Variants in GPR180 observed in about 807,000 individuals in gnomAD.
GPR180 encodes integral membrane protein GPR180.
In GPR180, 53 loss-of-function variants were observed where a neutral mutation model predicts 52.6. The observed-to-expected ratio is 1.01, with a 90% CI of 0.81 to 1.27. GPR180 has a LOEUF of 1.27. Among genes scored for constraint, GPR180 ranks in the 50% most tolerant of loss-of-function variants. The pLI is 0.00. For missense variants in GPR180, 533 were observed against 527.0 expected (o/e 1.01, Z -0.11); for synonymous variants, 200 against 193.1 (o/e 1.04, Z -0.30).
chr13:94,623,215 C>A lies in GPR180; in HGVS notation c.1001C>A (p.Ala334Glu), dbSNP rs1889875236. Residue 334 changes from alanine (A) to glutamate (E), a missense_variant, in exon 7 of 9, where the codon GCA becomes GAA. Physicochemically the swap from Ala to Glu is moderately radical, Grantham distance 107. Transcript: ENST00000376958. ...CTAATTGTTCTAAGAATTTGCCTAG[C>A]ATTGTCATTAGGCTGTGGACTCTAT... ...ILLIVLRICL[A>E]LSLGCGLYQI... 1 of 1,613,660 alleles carries A rather than the reference C, an allele frequency of 6.2e-7. No individual in the cohort carries two copies. Among genetic ancestry groups the A allele is most frequent in the Non-Finnish European group, 8.5e-7 (1 of 1,179,606 alleles).
intron 7 of GPR180, among the ~76,000 whole-genome samples, chr13:94,625,390 C>T (rs1889915956): frequency 6.6e-6 from 1 of 152,004 alleles, no homozygotes; most frequent in South Asian, 2.1e-4. Flanking sequence ...ATGTACCAAA[C>T]ATTTCAACAG....
chr13:94,607,489 A>G (rs1010954001), intron 2 of GPR180, among the ~76,000 whole-genome samples: 2 of 152,214 alleles, frequency 1.3e-5, no homozygotes, highest in Admixed American at 6.5e-5. Context: ...GAGCCTTTGC[A>G]TAGGCTTTTT....
intron 2 of GPR180, among the ~76,000 whole-genome samples, chr13:94,608,794 T>C (rs1889666307): frequency 6.6e-6 from 1 of 152,176 alleles, no homozygotes; most frequent in South Asian, 2.1e-4. Context: ...TCTGCCCAGC[T>C]CCTACGTAAA....
rs749523457 is a variant in GPR180 at position 94,626,004 on chromosome 13, A to T, written c.1125A>T (p.Ala375=). The change falls in exon 8 of 9, where the codon GCA becomes GCT. Residue 375 remains alanine, a synonymous_variant. Coordinates refer to ENST00000376958, the MANE Select transcript of GPR180 (RefSeq NM_180989.6). ...GGTTTTTATGCCATCCAGTTCTTGCATGCATTTCTGTCATTTTTAGCGACT... is the reference window on the plus strand; with the variant it reads ...GGTTTTTATGCCATCCAGTTCTTGCTTGCATTTCTGTCATTTTTAGCGACT... ...ILWFLCHPVL[A]CISVIFSDYQ... is the part of the protein sequence containing the mutation. 1 of 1,611,980 alleles carries T rather than the reference A, an allele frequency of 6.2e-7. No homozygotes were observed. The highest frequency in any genetic ancestry group is 8.5e-7 in the Non-Finnish European group (1 of 1,178,666).
chr13:94,620,179 C>T (rs1461720213), intron 5 of GPR180, among the ~76,000 whole-genome samples: 1 of 152,198 alleles, frequency 6.6e-6, no homozygotes, highest in African/African-American at 2.4e-5. Flanking sequence ...AGAGACTAGA[C>T]TCAGACCTAA....
At chr13:94,626,129 A>AT (rs1252401864) in intron 8 of GPR180, 86 bp downstream of exon 8, 4 of 828,408 alleles carry the variant, frequency 4.8e-6, no homozygotes, top group Non-Finnish European at 5.7e-6. Context: ...GGACCTATTT[A>AT]TTTTTTAAGA....
At chr13:94,626,168 A>T in intron 8 of GPR180, 125 bp downstream of exon 8, 1 of 560,592 alleles carries the variant, frequency 1.8e-6, no homozygotes, top group Non-Finnish European at 3.1e-6. Flanking sequence ...AAACTTTGAA[A>T]CAAAATAGTA....
intron 2 of GPR180, among the ~76,000 whole-genome samples, chr13:94,611,898 A>G (rs1889711196): frequency 6.6e-6 from 1 of 152,144 alleles, no homozygotes; most frequent in South Asian, 2.1e-4. Flanking sequence ...AGAAAAAAAA[A>G]AAAAAGAATT....
chr13:94,608,596 A>G (rs1016281552), intron 2 of GPR180, among the ~76,000 whole-genome samples: 9 of 152,148 alleles, frequency 5.9e-5, no homozygotes, highest in African/African-American at 2.2e-4. Flanking sequence ...TAACTTTTAT[A>G]TATTGTCATA....
In GPR180 at chr13:94,605,494, G is replaced by T; in HGVS notation, c.249G>T (p.Gln83His). Residue 83 changes from glutamine to histidine, a missense_variant, in exon 2 of 9, where the codon CAG becomes CAT. Coordinates refer to ENST00000376958, the MANE Select transcript of GPR180 (RefSeq NM_180989.6). The stretch of plus-strand genomic sequence containing the variant: ...AAGCCCAGGAATGGCTAAAGCTACA[G>T]CAAAGCAGTCATGGTTATAGCTGTA... ...LFQAQEWLKL[Q>H]QSSHGYSCSE... 6.2e-7 allele frequency: 1 copy of T among 1,614,154 alleles called. No individual in the cohort carries two copies. Among genetic ancestry groups the T allele is most frequent in the Non-Finnish European group, 8.5e-7 (1 of 1,179,980 alleles).
intron 5 of GPR180, among the ~76,000 whole-genome samples, chr13:94,619,940 T>G (rs1159192114): frequency 1.3e-5 from 2 of 152,184 alleles, no homozygotes; most frequent in Admixed American, 6.5e-5. Flanking sequence ...CAGGCTGGCC[T>G]TATACTCTTG....
At chr13:94,616,980 T>C (rs1457421444) in intron 3 of GPR180, among the ~76,000 whole-genome samples, 1 of 152,200 alleles carries the variant, frequency 6.6e-6, no homozygotes, top group Admixed American at 6.5e-5. Context: ...GTTCAATTTG[T>C]TTAATATGTT....
chr13:94,630,670 A>G lies in GPR180; in HGVS notation c.*3499A>G, dbSNP rs1306819024. ...TTCATCAAAAAAAGATCTAGCTTAT[A>G]TCACACCCTCAGATACTTGGCACTA... On this transcript the variant is annotated 3_prime_UTR_variant, in exon 9 of 9. Transcript: ENST00000376958. 2 of 152,248 alleles carry G rather than the reference A, an allele frequency of 1.3e-5. No individual in the cohort carries two copies. The highest frequency in any genetic ancestry group is 4.8e-5 in the African/African-American group (2 of 41,466). The allele number at this position is 152,248 out of a possible 1,614,324, so 9.4% of individuals were successfully genotyped here. A position where few individuals can be genotyped will look rare whatever the true frequency, so the allele number is the denominator to read the frequency against.
Position 94,634,530 on chromosome 13 carries a change from A to G in GPR180, c.*7359A>G, listed in dbSNP as rs1566988171. The stretch of plus-strand genomic sequence containing the variant: ...TTAATGTTTTCTTTCATTATGTTGC[A>G]TATGGCTTTTGTTTTCTGCATGAAA... On this transcript the variant is annotated 3_prime_UTR_variant, in exon 9 of 9. Coordinates refer to ENST00000376958, the MANE Select transcript of GPR180 (RefSeq NM_180989.6). 1 of 152,112 alleles carries G rather than the reference A, an allele frequency of 6.6e-6. No individual in the cohort carries two copies. Among genetic ancestry groups the G allele is most frequent in the Non-Finnish European group, 1.5e-5 (1 of 68,006 alleles). 9.4% of individuals were successfully genotyped at this position (152,112 alleles called of 1,614,324 possible). A position where few individuals can be genotyped will look rare whatever the true frequency, so the allele number is the denominator to read the frequency against.
intron 7 of GPR180, among the ~76,000 whole-genome samples, chr13:94,624,795 G>A (rs1021169508): frequency 5.9e-5 from 9 of 152,156 alleles, no homozygotes; most frequent in East Asian, 1.9e-4. Flanking sequence ...GCCCGCCTTG[G>A]CCTCCCAAAG....
At chr13:94,606,071 C>T (rs1210798182) in intron 2 of GPR180, among the ~76,000 whole-genome samples, 3 of 152,138 alleles carry the variant, frequency 2.0e-5, no homozygotes, top group African/African-American at 7.2e-5. Flanking sequence ...GTGGGTGGAT[C>T]ACCTGAGGTT....
chr13:94,622,545 C>T (rs1889865272), intron 6 of GPR180, among the ~76,000 whole-genome samples: 1 of 152,078 alleles, frequency 6.6e-6, no homozygotes, highest in African/African-American at 2.4e-5. Flanking sequence ...TATATGAAAA[C>T]AGGGAAGTTT....
rs150346033 is a variant in GPR180 at position 94,632,699 on chromosome 13, A to G, written c.*5528A>G. ...GGTGATGGAAGTATCTTTGTTATTC[A>G]TAGTGAGCTCTGATAGTTACGCTAA... On this transcript the variant is annotated 3_prime_UTR_variant, in exon 9 of 9. Coordinates refer to ENST00000376958, the MANE Select transcript of GPR180 (RefSeq NM_180989.6). 2 of 152,318 alleles carry G rather than the reference A, an allele frequency of 1.3e-5. No homozygotes were observed. Among genetic ancestry groups the G allele is most frequent in the African/African-American group, 2.4e-5 (1 of 41,550 alleles). The allele number at this position is 152,318 out of a possible 1,614,324, so 9.4% of individuals were successfully genotyped here.
chr13:94,623,282 C>G lies in GPR180; in HGVS notation c.1068C>G (p.Phe356Leu), dbSNP rs1045149549. The change falls in exon 7 of 9, where the codon TTC becomes TTG. Residue 356 changes from phenylalanine to leucine, a missense_variant. Physicochemically the swap from Phe to Leu is conservative, Grantham distance 22. Coordinates refer to ENST00000376958, the MANE Select transcript of GPR180 (RefSeq NM_180989.6). ...AGAGAAGTACACTCAAAAGGGAGTTCTACATCACATTTGCCAAAGTATGGG... is the reference window on the plus strand; with the variant it reads ...AGAGAAGTACACTCAAAAGGGAGTTGTACATCACATTTGCCAAAGTATGGG... The part of the protein sequence containing the change: ...TVERSTLKRE[F>L]YITFAKGCIL... The G allele has an allele frequency of 2.5e-6, 4 of 1,611,626 alleles. No homozygotes were observed. Among genetic ancestry groups the G allele is most frequent in the Non-Finnish European group, 2.5e-6 (3 of 1,178,560 alleles).
Sources: gnomAD v4.1 joint callset for allele counts (sites outside exome capture counted in the v4.1 genomes callset) on GRCh38, gnomAD v4.1.1 for gene constraint, MANE v1.5 for transcripts, NCBI Gene and HGNC (gene_info 2026-07-23, HGNC 2026-07-21) for gene names.